Variants in SLC4A10 observed in about 807,000 individuals in gnomAD.
SLC4A10 encodes the protein solute carrier family 4 member 10.
SLC4A10 carries 42 observed loss-of-function variants against 137.7 expected under a neutral mutation model. That is an observed-to-expected ratio of 0.30 (90% CI 0.24 to 0.39). SLC4A10 has a LOEUF of 0.39. SLC4A10 is among the 10% of genes least tolerant of loss of function. SLC4A10 has a pLI of 1.00. For synonymous variants in SLC4A10, 474 were observed against 464.1 expected, an observed-to-expected ratio of 1.02 and a Z score of -0.27; for missense variants, 925 against 1,355.0, an observed-to-expected ratio of 0.68 and a Z score of 4.98.
intron 1 of SLC4A10, among the ~76,000 whole-genome samples, chr2:161,715,922 A>G (rs1426625719): frequency 1.3e-5 from 2 of 152,116 alleles, no homozygotes; most frequent in African/African-American, 2.4e-5. Flanking sequence ...GTTTTCTACA[A>G]TGTTTGAACT....
intron 8 of SLC4A10, among the ~76,000 whole-genome samples, chr2:161,878,116 A>G (rs748722451): frequency 7.9e-5 from 12 of 151,934 alleles, no homozygotes; most frequent in Non-Finnish European, 1.5e-4. Context: ...TATCTAGGCT[A>G]AAAAAAATCT....
intron 1 of SLC4A10, chr2:161,710,521 T>G (rs1156406869): frequency 4.7e-6 from 1 of 210,662 alleles, no homozygotes; most frequent in Non-Finnish European, 1.0e-5. Flanking sequence ...TCAGAGAAAT[T>G]TTTCTCTATT....
chr2:161,667,046 ACT>A (rs2105756708), intron 1 of SLC4A10, among the ~76,000 whole-genome samples: 1 of 151,752 alleles, frequency 6.6e-6, no homozygotes, highest in Non-Finnish European at 1.5e-5. Flanking sequence ...GAAATTGATC[ACT>A]GTTATTTATA....
chr2:161,915,640 G>GAGCCTAC (rs1686950691), intron 15 of SLC4A10, among the ~76,000 whole-genome samples: 1 of 151,442 alleles, frequency 6.6e-6, no homozygotes, highest in South Asian at 2.1e-4. Flanking sequence ...CACTGCCACA[G>GAGCCTAC]AGCCTACACA....
At chr2:161,943,614 G>A (rs938459948) in intron 16 of SLC4A10, among the ~76,000 whole-genome samples, 1 of 151,790 alleles carries the variant, frequency 6.6e-6, no homozygotes, top group African/African-American at 2.4e-5. Context: ...ATAAAATCTT[G>A]TAATTTGAAA....
At chr2:161,844,748 G>T (rs1208887039) in intron 4 of SLC4A10, among the ~76,000 whole-genome samples, 1 of 152,072 alleles carries the variant, frequency 6.6e-6, no homozygotes, top group Non-Finnish European at 1.5e-5. Flanking sequence ...TAGGAGTATT[G>T]TAGAGGAGAT....
At chr2:161,805,790 C>T (rs1034943017) in intron 3 of SLC4A10, among the ~76,000 whole-genome samples, 3 of 152,182 alleles carry the variant, frequency 2.0e-5, no homozygotes, top group African/African-American at 7.2e-5. Flanking sequence ...TGTCTTGTTG[C>T]TTTTCCGGAC....
chr2:161,653,619 CT>C (rs1321370081), intron 1 of SLC4A10, among the ~76,000 whole-genome samples: 2 of 152,150 alleles, frequency 1.3e-5, no homozygotes, highest in Non-Finnish European at 2.9e-5. Flanking sequence ...TTTTAAATAT[CT>C]TATATAAGTG....
chr2:161,967,422 A>G (rs993539446), intron 23 of SLC4A10, among the ~76,000 whole-genome samples: 1 of 152,238 alleles, frequency 6.6e-6, no homozygotes, highest in Non-Finnish European at 1.5e-5. Context: ...TGACTGTAAA[A>G]TAAAAATTCA....
At chr2:161,632,905 C>A (rs2033817956) in intron 1 of SLC4A10, among the ~76,000 whole-genome samples, 1 of 151,532 alleles carries the variant, frequency 6.6e-6, no homozygotes, top group Admixed American at 6.6e-5. Flanking sequence ...CATAAAACAG[C>A]CTTTTTAACA....
chr2:161,873,530 CAAAAAAAAAAAAA>C (rs759717096), intron 7 of SLC4A10, among the ~76,000 whole-genome samples: 4 of 17,336 alleles, frequency 2.3e-4, no homozygotes, highest in Non-Finnish European at 3.3e-4. Flanking sequence ...GACCACATCT[CAAAAAAAAAAAAA>C]AAAAAAAAAA....
At chr2:161,772,191 A>G (rs914374574) in intron 2 of SLC4A10, among the ~76,000 whole-genome samples, 1 of 151,946 alleles carries the variant, frequency 6.6e-6, no homozygotes, top group Non-Finnish European at 1.5e-5. Context: ...CATAAATTTA[A>G]GGGAGCAAAA....
Position 161,624,465 on chromosome 2 carries a change from A to AAG in SLC4A10, c.-52_-51dup. The AAG allele has an allele frequency of 1.9e-6, 3 of 1,550,992 alleles. No individual in the cohort carries two copies. Among genetic ancestry groups the AAG allele is most frequent in the Non-Finnish European group, 2.6e-6 (3 of 1,146,506 alleles). ...GCAGAGCGAGTGCCGGGCTGAGTGT[A>AAG]AGACACTGAAGACACTGCAGAGCAA... On this transcript the variant is annotated 5_prime_UTR_variant, in exon 1 of 27. Coordinates refer to ENST00000446997, the MANE Select transcript of SLC4A10 (RefSeq NM_001178015.2).
At chr2:161,798,422 A>T (rs796543658) in intron 2 of SLC4A10, among the ~76,000 whole-genome samples, 10 of 152,018 alleles carry the variant, frequency 6.6e-5, no homozygotes, top group African/African-American at 1.9e-4. Flanking sequence ...TATTAATAAC[A>T]TTATTAATCA....
At position 161,957,040 on chromosome 2, in the gene SLC4A10, G is replaced by A. The variant is rs1234577392; in HGVS notation, c.2593G>A (p.Val865Ile). 1 of 1,609,738 alleles carries A rather than the reference G, an allele frequency of 6.2e-7. No individual in the cohort carries two copies. Among genetic ancestry groups the A allele is most frequent in the Non-Finnish European group, 8.5e-7 (1 of 1,178,114 alleles). Residue 865 changes from valine to isoleucine, a missense_variant, in exon 20 of 27, where the codon GTA (valine) becomes ATA (isoleucine). By Grantham distance (29) the Val-to-Ile change is conservative. Around this residue, in one of 11 missense-constraint regions of SLC4A10, gnomAD observed 115 missense variants for 237.5 expected, o/e 0.48. Coordinates refer to ENST00000446997, the MANE Select transcript of SLC4A10 (RefSeq NM_001178015.2). ...DLLMVAVMLG[V>I]CSIMGLPWFV... Reference sequence around the variant, plus strand: ...ATTAATGGTGGCTGTCATGCTCGGTGTATGCTCCATCATGGGCCTGCCATG... The same window carrying A: ...ATTAATGGTGGCTGTCATGCTCGGTATATGCTCCATCATGGGCCTGCCATG...
chr2:161,662,063 C>G (rs1430644243), intron 1 of SLC4A10, among the ~76,000 whole-genome samples: 1 of 152,086 alleles, frequency 6.6e-6, no homozygotes, highest in African/African-American at 2.4e-5. Flanking sequence ...CTTTTAACTT[C>G]TCCCTCATGC....
intron 2 of SLC4A10, among the ~76,000 whole-genome samples, chr2:161,786,749 T>C (rs2053670225): frequency 6.6e-6 from 1 of 151,668 alleles, no homozygotes; most frequent in African/African-American, 2.4e-5. Context: ...TTTGTACTTA[T>C]ATGAGCTTTT....
chr2:161,914,643 C>T (rs1686664342), intron 15 of SLC4A10, among the ~76,000 whole-genome samples: 1 of 151,160 alleles, frequency 6.6e-6, no homozygotes, highest in Non-Finnish European at 1.5e-5. Context: ...GAATGAAGTA[C>T]TCATGGAAGA....
chr2:161,927,893 G>C (rs988106011), intron 15 of SLC4A10, among the ~76,000 whole-genome samples: 2 of 152,086 alleles, frequency 1.3e-5, no homozygotes, highest in African/African-American at 4.8e-5. Flanking sequence ...AGAGGATGTG[G>C]AGAAATAGAA....
Sources: allele counts gnomAD v4.1 joint callset (sites outside exome capture counted in the v4.1 genomes callset), GRCh38; gene constraint gnomAD v4.1.1; regional missense constraint gnomAD v4.1.1; transcripts MANE v1.5; gene names NCBI Gene and HGNC (gene_info 2026-07-23, HGNC 2026-07-21).